The following SEC14L3 variants were observed in gnomAD, a reference collection of about 807,000 sequenced individuals.
The protein encoded by SEC14L3 is SEC14 like lipid binding 3.
Under a neutral mutation model 57.4 loss-of-function variants are expected in SEC14L3, and 56 were observed. The ratio of observed to expected loss-of-function variants is 0.97; its 90% CI spans 0.79 to 1.22. SEC14L3 has a LOEUF of 1.22. SEC14L3 is among the 50% of genes most tolerant of loss of function. The pLI is 0.00. For synonymous variants in SEC14L3, 173 were observed against 194.4 expected, an observed-to-expected ratio of 0.89 and a Z score of 0.92; for missense variants, 485 against 511.7, an observed-to-expected ratio of 0.95 and a Z score of 0.50.
downstream of SEC14L3, chr22:30,447,885 AG>A (rs1456165466): frequency 6.6e-6 from 1 of 151,098 alleles, no homozygotes; most frequent in Non-Finnish European, 1.5e-5. Context: ...TGTGGGCTCC[AG>A]GTTCCTTCCC....
chr22:30,471,719 C>T (rs1016278106), intron 1 of SEC14L3, among the ~76,000 whole-genome samples, 186 bp downstream of exon 1: 1 of 152,228 alleles, frequency 6.6e-6, no homozygotes, highest in Non-Finnish European at 1.5e-5. Context: ...AGTCCCTCAA[C>T]CCCCGCCCGG....
At chr22:30,448,779 C>T in exon 13 of SEC14L3, 1 of 277,620 alleles carries the variant, frequency 3.6e-6, no homozygotes, top group African/African-American at 2.2e-5. Flanking sequence ...GTGGTCTCAG[C>T]CACTCAGGAG....
At chr22:30,458,238 C>T (rs896376663), downstream of SEC14L3, among the ~76,000 whole-genome samples, 2 of 152,220 alleles carry the variant, frequency 1.3e-5, no homozygotes, top group African/African-American at 4.8e-5. Flanking sequence ...GGGAAGGAAA[C>T]TCTGGAGTCC....
chr22:30,471,168 C>T (rs1323066758), intron 1 of SEC14L3: 1 of 370,296 alleles, frequency 2.7e-6, no homozygotes, highest in East Asian at 8.2e-5. Flanking sequence ...GCCTGTAATC[C>T]CAGCTACTCA....
At chr22:30,453,371 C>T (rs1935023177) in intron 12 of SEC14L3, among the ~76,000 whole-genome samples, 1 of 152,178 alleles carries the variant, frequency 6.6e-6, no homozygotes, top group Non-Finnish European at 1.5e-5. Context: ...TTGTGTTCTT[C>T]AGTTTCTCTG....
Position 30,471,981 on chromosome 22 carries a change from G to A in SEC14L3, c.-23C>T, listed in dbSNP as rs752952512. Reference sequence around the variant, plus strand: ...CATGGTGCTGGCTGGGGCTTGAGGAGTGGTGGCCACTATAGGCAAGAGGCC... The same window carrying A: ...CATGGTGCTGGCTGGGGCTTGAGGAATGGTGGCCACTATAGGCAAGAGGCC... On this transcript the variant is annotated 5_prime_UTR_variant, in exon 1 of 12. Coordinates refer to ENST00000215812, the MANE Select transcript of SEC14L3 (RefSeq NM_174975.5). 2.5e-6 allele frequency: 4 copies of A among 1,588,634 alleles called. No individual in the cohort carries two copies. The highest frequency in any genetic ancestry group is 2.7e-5 in the African/African-American group (2 of 73,364).
Position 30,472,004 on chromosome 22 carries a change from G to A in SEC14L3, c.-46C>T. On this transcript the variant is annotated 5_prime_UTR_variant, in exon 1 of 12. Transcript: ENST00000215812. ...GAGTGGTGGCCACTATAGGCAAGAG[G>A]CCAAGCCTAGTTTGTCAGCCCTGAC... The A allele has an allele frequency of 6.5e-7, 1 of 1,537,854 alleles. No individual in the cohort carries two copies. The highest frequency in any genetic ancestry group is 2.0e-5 in the Admixed American group (1 of 49,904).
chr22:30,468,360 G>C, intron 5 of SEC14L3, 148 bp downstream of exon 5: 1 of 584,962 alleles, frequency 1.7e-6, no homozygotes, highest in Non-Finnish European at 3.1e-6. Context: ...ACTTTTCAAG[G>C]CCACACAGCT....
rs766154238 is a variant in SEC14L3 at position 30,470,086 on chromosome 22, G to A, written c.175-8C>T. 38 of 1,604,014 alleles carry A rather than the reference G, an allele frequency of 2.4e-5. No individual in the cohort carries two copies. The Admixed American group carries it at 6.5e-4, about 27-fold the overall frequency. On this transcript the variant is annotated splice_region_variant and splice_polypyrimidine_tract_variant and intron_variant, in intron 3 of 11. Transcript: ENST00000215812. Reference sequence around the variant, plus strand: ...CTTCCGGAACTCCATGTACTGAAAGGGAAATGAGTGGTAAGATCCCACTGG... The same window carrying A: ...CTTCCGGAACTCCATGTACTGAAAGAGAAATGAGTGGTAAGATCCCACTGG...
rs199521826 is a variant in SEC14L3 at position 30,461,455 on chromosome 22, C to T, written c.936G>A (p.Ala312=). 208 of 1,613,794 alleles carry T rather than the reference C, an allele frequency of 1.3e-4. No homozygotes were observed. Among genetic ancestry groups the T allele is most frequent in the Admixed American group, 1.8e-4 (11 of 60,006 alleles). Reference sequence around the variant, plus strand: ...TCAGGAAAACTCCGAAGCCGATGTCCGCACCATCAGATGAGAACTGCCACC... The same window carrying T: ...TCAGGAAAACTCCGAAGCCGATGTCTGCACCATCAGATGAGAACTGCCACC... The part of the protein sequence containing the change: ...VLRWQFSSDG[A]DIGFGVFLKT... Residue 312 remains alanine, a synonymous_variant, in exon 11 of 12, where the codon GCG becomes GCA. Transcript: ENST00000215812.
At chr22:30,466,519 C>G in intron 6 of SEC14L3, 125 bp from the exon 7 acceptor site, 1 of 1,227,100 alleles carries the variant, frequency 8.1e-7, no homozygotes, top group Non-Finnish European at 1.2e-6. Context: ...GCCATCACCT[C>G]CCCTGGCCTC....
downstream of SEC14L3, among the ~76,000 whole-genome samples, chr22:30,455,076 T>TATTTA (rs1935086182): frequency 6.3e-5 from 4 of 63,778 alleles, no homozygotes; most frequent in African/African-American, 3.0e-4. Flanking sequence ...TAATATATAA[T>TATTTA]ATATTAAATA....
chr22:30,459,115 C>T (rs1485989490), downstream of SEC14L3: 5 of 279,732 alleles, frequency 1.8e-5, no homozygotes, highest in Middle Eastern at 1.8e-3. Context: ...CTTCACCCCT[C>T]TGAGCCTCCA....
At chr22:30,452,774 T>C (rs1601808164) in intron 12 of SEC14L3, among the ~76,000 whole-genome samples, 1 of 150,046 alleles carries the variant, frequency 6.7e-6, no homozygotes, top group Non-Finnish European at 1.5e-5. Context: ...AGTGCAGTGG[T>C]GTGATCTTGG....
downstream of SEC14L3, among the ~76,000 whole-genome samples, chr22:30,455,885 C>T (rs749454796): frequency 6.6e-5 from 10 of 152,234 alleles, no homozygotes; most frequent in Non-Finnish European, 5.9e-5. Context: ...GCTGTTGGAA[C>T]AGGAACTTCT....
chr22:30,469,978 A>G, intron 4 of SEC14L3, 41 bp downstream of exon 4: 1 of 1,440,078 alleles, frequency 6.9e-7, no homozygotes, highest in Non-Finnish European at 9.4e-7. Context: ...CTTGAGTGGT[A>G]CGTCCGTGAA....
At chr22:30,468,937 CT>C (rs1247697919) in intron 4 of SEC14L3, 6 of 1,462,336 alleles carry the variant, frequency 4.1e-6, no homozygotes, top group African/African-American at 2.8e-5. Context: ...AGGTCTGCCC[CT>C]GATGTCTCCC....
chr22:30,465,435 C>A (rs1935388215), intron 7 of SEC14L3, among the ~76,000 whole-genome samples: 1 of 151,796 alleles, frequency 6.6e-6, no homozygotes, highest in African/African-American at 2.4e-5. Flanking sequence ...GTCATCCAAC[C>A]ATCCAAATAA....
rs959305000 is a variant in SEC14L3 at position 30,464,766 on chromosome 22, C to A, written c.664+54G>T. The A allele has an allele frequency of 2.6e-6, 4 of 1,548,496 alleles. No individual in the cohort carries two copies. The African/African-American group carries it at 5.4e-5, about 21-fold the overall frequency. On this transcript the variant is annotated intron_variant, in intron 8 of 11. Transcript: ENST00000215812. The stretch of plus-strand genomic sequence containing the variant: ...AGTTCTAGATGGGGTAATGGGACAA[C>A]CTCACTCCAAAGGTCATGTATAGAG...
Sources: gnomAD v4.1 joint callset for allele counts (sites outside exome capture counted in the v4.1 genomes callset) on GRCh38, gnomAD v4.1.1 for gene constraint, MANE v1.5 for transcripts, NCBI Gene and HGNC (gene_info 2026-07-23, HGNC 2026-07-21) for gene names.